The following ETNK1 variants were observed in gnomAD, a reference collection of about 807,000 sequenced individuals.
The protein encoded by ETNK1 is ethanolamine kinase 1, also known as putative protein product of Nbla10396.
A neutral mutation model predicts 45.1 loss-of-function variants in ETNK1; 8 were observed. That is an observed-to-expected ratio of 0.18 (90% CI 0.10 to 0.32). The LOEUF is 0.32. Ranked by LOEUF, ETNK1 falls within the 10% of genes least tolerant of loss-of-function variation. ETNK1 has a pLI of 1.00. For synonymous variants in ETNK1, 152 were observed against 151.9 expected (o/e 1.00, Z -0.01); for missense variants, 302 against 430.6 (o/e 0.70, Z 2.64).
intron 2 of ETNK1, among the ~76,000 whole-genome samples, chr12:22,653,559 T>A (rs1953904070): frequency 6.6e-6 from 1 of 152,150 alleles, no homozygotes; most frequent in African/African-American, 2.4e-5. Context: ...AGTTTACAAG[T>A]CTTTCACCTC....
chr12:22,662,763 G>A (rs1954018614), intron 4 of ETNK1, among the ~76,000 whole-genome samples: 1 of 152,176 alleles, frequency 6.6e-6, no homozygotes, highest in African/African-American at 2.4e-5. Flanking sequence ...AAATTGTGCT[G>A]TTGTAAATAT....
intron 2 of ETNK1, among the ~76,000 whole-genome samples, chr12:22,645,658 T>C (rs1592120239): frequency 6.6e-6 from 1 of 151,934 alleles, no homozygotes; most frequent in African/African-American, 2.4e-5. Flanking sequence ...CACTGTATAA[T>C]GATCAAGTTA....
intron 1 of ETNK1, among the ~76,000 whole-genome samples, chr12:22,643,076 C>T (rs372732691): frequency 5.9e-5 from 9 of 151,762 alleles, no homozygotes; most frequent in African/African-American, 1.5e-4. Flanking sequence ...TGTAAGGTTG[C>T]GTTTTTGTTT....
chr12:22,635,969 G>T (rs1053780266), intron 1 of ETNK1, among the ~76,000 whole-genome samples: 4 of 152,056 alleles, frequency 2.6e-5, no homozygotes, highest in Non-Finnish European at 5.9e-5. Flanking sequence ...TTTGATTCCA[G>T]GAATTCAAGA....
At chr12:22,673,268 G>T (rs574138024) in intron 5 of ETNK1, among the ~76,000 whole-genome samples, 1 of 152,258 alleles carries the variant, frequency 6.6e-6, no homozygotes, top group East Asian at 1.9e-4. Flanking sequence ...AGGAAAAATT[G>T]AAGCTATGAG....
intron 1 of ETNK1, among the ~76,000 whole-genome samples, chr12:22,637,734 G>T (rs902650101): frequency 5.9e-5 from 9 of 152,130 alleles, no homozygotes; most frequent in African/African-American, 1.9e-4. Context: ...ATCCAGGAAA[G>T]GAAATTTACA....
intron 1 of ETNK1, among the ~76,000 whole-genome samples, chr12:22,630,617 A>T (rs986681999): frequency 3.3e-5 from 5 of 151,770 alleles, no homozygotes; most frequent in Non-Finnish European, 5.9e-5. Flanking sequence ...ATTTTATTTT[A>T]TTTTATTTTT....
intron 1 of ETNK1, among the ~76,000 whole-genome samples, chr12:22,630,811 A>G (rs12296879): frequency 0.29 from 44,153 of 151,664 alleles, 6,719 homozygotes; most frequent in Non-Finnish European, 0.33. Context: ...GGGTTTCACC[A>G]TGTTGGCCAG....
rs1378602633 is a variant in ETNK1 at position 22,625,920 on chromosome 12, C to A, written c.156+334C>A. The A allele has an allele frequency of 6.8e-6, 4 of 585,078 alleles. No homozygotes were observed. The East Asian group carries it at 1.5e-4, about 22-fold the overall frequency. The allele number at this position is 585,078 out of a possible 1,614,324, so 36.2% of individuals were successfully genotyped here. A position where few individuals can be genotyped will look rare whatever the true frequency, so the allele number is the denominator to read the frequency against. ...GGTCACTGCAAAATGAACCTTTCCA[C>A]TCCCCTTGCACGGGGTCCTCGTCTA... is the stretch of plus-strand genomic sequence containing the variant. On this transcript the variant is annotated intron_variant, in intron 1 of 7. Transcript: ENST00000266517.
At chr12:22,666,592 G>T (rs1378606428) in intron 4 of ETNK1, among the ~76,000 whole-genome samples, 1 of 151,980 alleles carries the variant, frequency 6.6e-6, no homozygotes, top group Non-Finnish European at 1.5e-5. Flanking sequence ...TTCTCCTGCT[G>T]TCCCCATTTC....
chr12:22,657,965 CCTTA>C (rs990190149), intron 2 of ETNK1, among the ~76,000 whole-genome samples: 6 of 151,964 alleles, frequency 3.9e-5, no homozygotes, highest in South Asian at 2.1e-4. Context: ...TCTCTGTGGG[CCTTA>C]CTTAAGTGGC....
At chr12:22,632,522 T>C (rs1240232698) in intron 1 of ETNK1, among the ~76,000 whole-genome samples, 1 of 152,094 alleles carries the variant, frequency 6.6e-6, no homozygotes, top group African/African-American at 2.4e-5. Context: ...TTACTTTTTT[T>C]TTTAAGAGAT....
chr12:22,688,568 TTG>T lies in ETNK1; in HGVS notation c.*3616_*3617del, dbSNP rs1954279502. ...TGTCATTTCAATTTTCTGCTTTAAA[TTG>T]TTTTTAATAAGCATTCCAAAGTGAT... On this transcript the variant is annotated 3_prime_UTR_variant, in exon 8 of 8. Transcript: ENST00000266517. 1 of 152,370 alleles carries T rather than the reference TTG, an allele frequency of 6.6e-6. No homozygotes were observed. Among genetic ancestry groups the T allele is most frequent in the Non-Finnish European group, 1.5e-5 (1 of 67,802 alleles). 9.4% of individuals were successfully genotyped at this position (152,370 alleles called of 1,614,324 possible).
At chr12:22,653,658 T>C (rs1953905572) in intron 2 of ETNK1, among the ~76,000 whole-genome samples, 1 of 152,192 alleles carries the variant, frequency 6.6e-6, no homozygotes, top group South Asian at 2.1e-4. Flanking sequence ...AGATTGTTCA[T>C]TGTTAGTGTA....
chr12:22,631,346 T>C, intron 1 of ETNK1, among the ~76,000 whole-genome samples: 1 of 151,994 alleles, frequency 6.6e-6, no homozygotes, highest in East Asian at 1.9e-4. Flanking sequence ...GGCTAATTTT[T>C]GTGTTTTTAG....
rs1953470867 is a variant in ETNK1, at chr12:22,625,260, A to C, written c.-171A>C. The C allele has an allele frequency of 4.3e-6, 7 of 1,610,920 alleles. No individual in the cohort carries two copies. The East Asian group carries it at 1.6e-4, about 36-fold the overall frequency. On this transcript the variant is annotated 5_prime_UTR_variant, in exon 1 of 8. Coordinates refer to ENST00000266517, the MANE Select transcript of ETNK1 (RefSeq NM_018638.5). ...AGCTGCTGTCCAGACCCGGATCGGC[A>C]ACAGTGCCGCCTCCAGACGTTCTCC...
chr12:22,684,672 T>G, intron 7 of ETNK1, 116 bp downstream of exon 7: 1 of 807,228 alleles, frequency 1.2e-6, no homozygotes, highest in Non-Finnish European at 2.0e-6. Context: ...TTGTATACAC[T>G]TAGTAATTGG....
At chr12:22,667,521 G>A (rs144020799) in intron 4 of ETNK1, among the ~76,000 whole-genome samples, 3 of 152,236 alleles carry the variant, frequency 2.0e-5, no homozygotes, top group Admixed American at 2.0e-4. Context: ...TGGTGAAGGG[G>A]TACAGAGTAC....
intron 2 of ETNK1, among the ~76,000 whole-genome samples, chr12:22,651,479 G>C (rs1433479676): frequency 6.6e-6 from 1 of 151,876 alleles, no homozygotes; most frequent in Non-Finnish European, 1.5e-5. Context: ...TGATTTGGGG[G>C]CTGCTTTCTA....
Sources: allele counts gnomAD v4.1 joint callset (sites outside exome capture counted in the v4.1 genomes callset), GRCh38; gene constraint gnomAD v4.1.1; transcripts MANE v1.5; gene names NCBI Gene and HGNC (gene_info 2026-07-23, HGNC 2026-07-21).